Variants in RAD18 observed in about 807,000 individuals in gnomAD.
The protein encoded by RAD18 is E3 ubiquitin-protein ligase RAD18.
A neutral mutation model predicts 60.4 loss-of-function variants in RAD18; 47 were observed. The observed-to-expected ratio is 0.78, with a 90% CI of 0.62 to 0.99. RAD18 has a LOEUF of 0.99. Among genes scored for constraint, RAD18 ranks in the 50% least tolerant of loss-of-function variants. The pLI is 0.00. For missense variants in RAD18, 640 were observed against 593.3 expected (o/e 1.08, Z -0.82); for synonymous variants, 225 against 195.5 (o/e 1.15, Z -1.26).
At chr3:8,899,877 A>T (rs1939871143) in intron 10 of RAD18, among the ~76,000 whole-genome samples, 1 of 152,180 alleles carries the variant, frequency 6.6e-6, no homozygotes, top group Non-Finnish European at 1.5e-5. Context: ...AATACTACAG[A>T]GCTCCTTTCA....
rs45603338 is a variant in RAD18, at chr3:8,913,378, A to G, written c.966+266T>C. 2.2e-3 allele frequency among the ~76,000 whole-genome samples: 341 copies of G among 152,306 alleles called. 7 individuals are homozygous for G. In the East Asian group the frequency reaches 0.04, roughly 18 times the overall value. On this transcript the variant is annotated intron_variant, in intron 8 of 12. Coordinates refer to ENST00000264926, the MANE Select transcript of RAD18 (RefSeq NM_020165.4). ...AACACAACCAGCAGAGAAAGGACCA[A>G]TATCAAAGCTGCCTGATGCACAGGC...
chr3:8,947,256 A>G lies in RAD18; in HGVS notation c.230T>C (p.Ile77Thr). The G allele has an allele frequency of 6.2e-7, 1 of 1,611,702 alleles. No homozygotes were observed. Among genetic ancestry groups the G allele is most frequent in the Non-Finnish European group, 8.5e-7 (1 of 1,178,026 alleles). ...VTEPDLKNNR[I>T]LDELVKSLNF... ...CAAGCTTTTTACCAGTTCATCTAAT[A>G]TGCGGTTATTTTTCAGATCCGGCTC... Residue 77 changes from isoleucine to threonine, a missense_variant, in exon 4 of 13, where the codon ATA becomes ACA. Physicochemically the swap from Ile to Thr is moderately conservative, Grantham distance 89. Coordinates refer to ENST00000264926, the MANE Select transcript of RAD18 (RefSeq NM_020165.4).
chr3:8,939,151 T>G (rs1940701794), intron 6 of RAD18, among the ~76,000 whole-genome samples: 1 of 152,132 alleles, frequency 6.6e-6, no homozygotes, highest in Non-Finnish European at 1.5e-5. Context: ...TTTTAAATTT[T>G]AAAACTTCTG....
intron 1 of RAD18, among the ~76,000 whole-genome samples, chr3:8,961,591 G>T (rs955905453): frequency 3.3e-5 from 5 of 152,216 alleles, no homozygotes; most frequent in Admixed American, 2.0e-4. Flanking sequence ...GGATCTGATA[G>T]TTCTTTGTGC....
At chr3:8,901,662 T>G (rs896148685) in intron 10 of RAD18, among the ~76,000 whole-genome samples, 3 of 151,622 alleles carry the variant, frequency 2.0e-5, no homozygotes, top group African/African-American at 7.3e-5. Context: ...GACGGAAGAG[T>G]TGCTATTTCA....
In RAD18 at chr3:8,918,365, G is replaced by A. The variant is rs1366929192; in HGVS notation, c.890-4645C>T. Among the ~76,000 whole-genome samples the A allele has an allele frequency of 4.7e-5, 7 of 150,398 alleles. No homozygotes were observed. The East Asian group carries it at 1.4e-3, about 29-fold the overall frequency. On this transcript the variant is annotated intron_variant, in intron 7 of 12. Transcript: ENST00000264926. ...AGGGAAATTATATCGTGATAAAAGG[G>A]TCAATTTACCAAGAAGACATAATCT...
chr3:8,898,936 AT>A lies in RAD18; in HGVS notation c.1279del (p.Ile427PhefsTer21). The A allele has an allele frequency of 6.2e-7, 1 of 1,603,964 alleles. No individual in the cohort carries two copies. Among genetic ancestry groups the A allele is most frequent in the Non-Finnish European group, 8.5e-7 (1 of 1,174,400 alleles). On this transcript the variant is annotated frameshift_variant, in exon 11 of 13. Transcript: ENST00000264926. LOFTEE classifies it high-confidence loss of function. The part of the protein sequence containing the change: ...REEDSSSCID[I>X]QEVLSSSESD... ...TTCTGATGAAGAAAGAACTTCTTGAATATCAATACAGCTAGAAGAATCCTCT... is the reference window on the plus strand; with the variant it reads ...TTCTGATGAAGAAAGAACTTCTTGAAATCAATACAGCTAGAAGAATCCTCT...
rs1939414786 is a variant in RAD18, at chr3:8,879,214, C to T, written c.*2143G>A. ...GTAGTCTAAAGCGTGCCCCTTAACC[C>T]CTACCACTAAATATGTTGGAAGTCT... On this transcript the variant is annotated 3_prime_UTR_variant, in exon 13 of 13. Transcript: ENST00000264926. 6.6e-6 allele frequency: 1 copy of T among 152,208 alleles called. No individual in the cohort carries two copies. Among genetic ancestry groups the T allele is most frequent in the African/African-American group, 2.4e-5 (1 of 41,546 alleles). 9.4% of individuals were successfully genotyped at this position (152,208 alleles called of 1,614,324 possible).
In RAD18 at chr3:8,878,552, C is replaced by T. The variant is rs1264722566; in HGVS notation, c.*2805G>A. 6.6e-6 allele frequency: 1 copy of T among 152,130 alleles called. No homozygotes were observed. Among genetic ancestry groups the T allele is most frequent in the Non-Finnish European group, 1.5e-5 (1 of 68,028 alleles). 9.4% of individuals were successfully genotyped at this position (152,130 alleles called of 1,614,324 possible). On this transcript the variant is annotated 3_prime_UTR_variant, in exon 13 of 13. Transcript: ENST00000264926. ...GTTTTTTTCCAGAAACAGTTCTAGC[C>T]TTCTCTATGTTGTCTATCCCTGTTG...
chr3:8,918,740 G>C (rs1192231271), intron 7 of RAD18, among the ~76,000 whole-genome samples: 1 of 152,302 alleles, frequency 6.6e-6, no homozygotes, highest in East Asian at 1.9e-4. Context: ...CAGAAACCTT[G>C]ATAATACTTG....
chr3:8,954,195 AC>A (rs964047846), intron 2 of RAD18, among the ~76,000 whole-genome samples: 31 of 152,318 alleles, frequency 2.0e-4, no homozygotes, highest in African/African-American at 7.5e-4. Flanking sequence ...GCAGATGCCA[AC>A]CTTTTCAGCT....
At chr3:8,945,072 G>C (rs1940817758) in intron 4 of RAD18, among the ~76,000 whole-genome samples, 1 of 152,204 alleles carries the variant, frequency 6.6e-6, no homozygotes, top group African/African-American at 2.4e-5. Flanking sequence ...AGGACTATAA[G>C]TAACCTAGAG....
chr3:8,897,589 G>C (rs9868983), intron 11 of RAD18, among the ~76,000 whole-genome samples: 8,856 of 152,198 alleles, frequency 0.058, 812 homozygotes, highest in African/African-American at 0.2. Context: ...TTGACTGGTA[G>C]TCCCTTCTAA....
rs953743476 is a variant in RAD18, at chr3:8,879,317, T to C, written c.*2040A>G. ...TAAAAAAGAGGTAACTGAAGTAAAATGAGGCCATACGCATGGGCCCTGATC... is the reference window on the plus strand; with the variant it reads ...TAAAAAAGAGGTAACTGAAGTAAAACGAGGCCATACGCATGGGCCCTGATC... On this transcript the variant is annotated 3_prime_UTR_variant, in exon 13 of 13. Coordinates refer to ENST00000264926, the MANE Select transcript of RAD18 (RefSeq NM_020165.4). 4 of 152,138 alleles carry C rather than the reference T, an allele frequency of 2.6e-5. No individual in the cohort carries two copies. Among genetic ancestry groups the C allele is most frequent in the African/African-American group, 7.2e-5 (3 of 41,426 alleles). 9.4% of individuals were successfully genotyped at this position (152,138 alleles called of 1,614,324 possible).
Position 8,877,346 on chromosome 3 carries a change from T to C in RAD18, c.*4011A>G, listed in dbSNP as rs1292249360. Reference sequence around the variant, plus strand: ...TCCTCCAGAGGGAACGAAGACTGTGTCCTCATGTGGCGGAAGGGATGGAAG... The same window carrying C: ...TCCTCCAGAGGGAACGAAGACTGTGCCCTCATGTGGCGGAAGGGATGGAAG... On this transcript the variant is annotated 3_prime_UTR_variant, in exon 13 of 13. Coordinates refer to ENST00000264926, the MANE Select transcript of RAD18 (RefSeq NM_020165.4). 1 of 152,382 alleles carries C rather than the reference T, an allele frequency of 6.6e-6. No individual in the cohort carries two copies. The highest frequency in any genetic ancestry group is 6.5e-5 in the Admixed American group (1 of 15,284). 9.4% of individuals were successfully genotyped at this position (152,382 alleles called of 1,614,324 possible).
rs1203529521 is a variant in RAD18, at chr3:8,911,841, G to A, written c.1027+471C>T. 1.3e-5 allele frequency among the ~76,000 whole-genome samples: 2 copies of A among 152,172 alleles called. 1 individual carries two copies. ...CAAAACAGTAATGTGTTAGCCCTGG[G>A]AAAGATATACACGAAGACCATTTAA... On this transcript the variant is annotated intron_variant, in intron 9 of 12. Transcript: ENST00000264926.
At chr3:8,903,815 A>G (rs761455408) in intron 9 of RAD18, among the ~76,000 whole-genome samples, 1 of 152,194 alleles carries the variant, frequency 6.6e-6, no homozygotes, top group African/African-American at 2.4e-5. Flanking sequence ...AAATTTTGAC[A>G]CTGTTTTCAT....
chr3:8,959,951 A>G (rs1941069970), intron 1 of RAD18, among the ~76,000 whole-genome samples: 3 of 152,078 alleles, frequency 2.0e-5, no homozygotes, highest in Admixed American at 2.0e-4. Flanking sequence ...AAGTGAAAAA[A>G]GGAAATAAGG....
chr3:8,892,442 G>C (rs368016761), intron 11 of RAD18, among the ~76,000 whole-genome samples: 1 of 152,158 alleles, frequency 6.6e-6, no homozygotes, highest in Non-Finnish European at 1.5e-5. Context: ...TCTTGAATTC[G>C]ATGGAATTCC....
Sources: allele counts gnomAD v4.1 joint callset (sites outside exome capture counted in the v4.1 genomes callset), GRCh38; gene constraint gnomAD v4.1.1; transcripts MANE v1.5; gene names NCBI Gene and HGNC (gene_info 2026-07-23, HGNC 2026-07-21).